Variants in PDSS2 observed in about 807,000 individuals in gnomAD.
The protein encoded by PDSS2 is decaprenyl diphosphate synthase subunit 2, also known as all trans-polyprenyl-diphosphate synthase PDSS2.
In PDSS2, 31 loss-of-function variants were observed where a neutral mutation model predicts 44.5. The observed-to-expected ratio is 0.70, with a 90% CI of 0.52 to 0.94. The LOEUF (loss-of-function observed/expected upper bound fraction) is 0.94, where lower values mean the gene tolerates loss of function less well. Among genes scored for constraint, PDSS2 ranks in the 40% least tolerant of loss-of-function variants. The pLI is 0.00. For synonymous variants in PDSS2, 157 were observed against 180.3 expected (o/e 0.87, Z 1.03); for missense variants, 452 against 482.2 (o/e 0.94, Z 0.59).
chr6:107,202,200 G>A (rs1245440825), intron 6 of PDSS2, among the ~76,000 whole-genome samples: 1 of 151,966 alleles, frequency 6.6e-6, no homozygotes, highest in Non-Finnish European at 1.5e-5. Context: ...CACCACACCT[G>A]GCTACTTTTA....
rs185231437 is a variant in PDSS2, at chr6:107,427,831, A to C, written c.296+31159T>G. Among the ~76,000 whole-genome samples, 35 of 152,366 alleles carry C rather than the reference A, an allele frequency of 2.3e-4. 1 individual carries two copies. In the East Asian group the frequency reaches 6.7e-3, roughly 29 times the overall value. On this transcript the variant is annotated intron_variant, in intron 1 of 7. Coordinates refer to ENST00000369037, the MANE Select transcript of PDSS2 (RefSeq NM_020381.4). The stretch of plus-strand genomic sequence containing the variant: ...ACTTTAAAAAAAATGGTTTGTAGAT[A>C]GCCTACGTCTACATTATTTCTACAA...
intron 6 of PDSS2, among the ~76,000 whole-genome samples, chr6:107,207,160 T>G (rs190998582): frequency 1.5e-4 from 23 of 152,146 alleles, no homozygotes; most frequent in Admixed American, 2.6e-4. Context: ...GCCCGACTAA[T>G]TTTTTGTATT....
intron 1 of PDSS2, among the ~76,000 whole-genome samples, chr6:107,358,205 C>T (rs1418743902): frequency 6.6e-6 from 1 of 152,064 alleles, no homozygotes; most frequent in Non-Finnish European, 1.5e-5. Context: ...TATAAGGAAA[C>T]AAATGAATTT....
At chr6:107,442,321 G>T (rs1321147541) in intron 1 of PDSS2, among the ~76,000 whole-genome samples, 1 of 152,178 alleles carries the variant, frequency 6.6e-6, no homozygotes, top group Non-Finnish European at 1.5e-5. Flanking sequence ...GGAGGCTGAG[G>T]CAGGAGAATC....
chr6:107,268,503 AATAAC>A (rs1775483899), intron 3 of PDSS2, among the ~76,000 whole-genome samples: 2 of 152,178 alleles, frequency 1.3e-5, no homozygotes, highest in African/African-American at 4.8e-5. Flanking sequence ...AAGAAATAAA[AATAAC>A]ATACATGTAC....
chr6:107,167,864 C>T (rs1388379050), intron 7 of PDSS2, among the ~76,000 whole-genome samples: 1 of 152,074 alleles, frequency 6.6e-6, no homozygotes, highest in East Asian at 1.9e-4. Context: ...AATTTCTGTT[C>T]TTTTATATTT....
intron 1 of PDSS2, among the ~76,000 whole-genome samples, chr6:107,445,238 C>G (rs1278828163): frequency 6.6e-6 from 1 of 151,384 alleles, no homozygotes; most frequent in East Asian, 1.9e-4. Context: ...GTTAGGGAAA[C>G]AGTAATAAAA....
At chr6:107,414,397 G>GT (rs1215064508) in intron 1 of PDSS2, among the ~76,000 whole-genome samples, 1 of 152,210 alleles carries the variant, frequency 6.6e-6, no homozygotes, top group African/African-American at 2.4e-5. Context: ...AGACTAGGAA[G>GT]TAACAGCTAG....
chr6:107,424,438 CT>C (rs1780925790), intron 1 of PDSS2, among the ~76,000 whole-genome samples: 1 of 152,136 alleles, frequency 6.6e-6, no homozygotes, highest in African/African-American at 2.4e-5. Context: ...CCTTATTGTG[CT>C]TTAATACACA....
At chr6:107,159,862 TTGAG>T (rs1301755319) in intron 7 of PDSS2, among the ~76,000 whole-genome samples, 3 of 152,176 alleles carry the variant, frequency 2.0e-5, no homozygotes, top group African/African-American at 4.8e-5. Flanking sequence ...TGAGTATTAA[TTGAG>T]TATTTACTAT....
intron 3 of PDSS2, chr6:107,264,399 G>T: frequency 6.5e-7 from 1 of 1,547,708 alleles, no homozygotes; most frequent in South Asian, 1.2e-5. Flanking sequence ...ATGCTTAATA[G>T]AACAACCTCC....
intron 3 of PDSS2, among the ~76,000 whole-genome samples, chr6:107,249,839 T>C (rs1774753546): frequency 6.6e-6 from 1 of 152,146 alleles, no homozygotes; most frequent in Admixed American, 6.6e-5. Context: ...ATCACTCCCA[T>C]TTCAATAACC....
intron 7 of PDSS2, among the ~76,000 whole-genome samples, chr6:107,190,737 G>A (rs1048581446): frequency 6.6e-6 from 1 of 152,170 alleles, no homozygotes; most frequent in Non-Finnish European, 1.5e-5. Flanking sequence ...ATGAGTGAAG[G>A]CGCAGAGAAC....
chr6:107,454,753 T>A (rs949909428), intron 1 of PDSS2, among the ~76,000 whole-genome samples: 13 of 151,816 alleles, frequency 8.6e-5, no homozygotes, highest in Non-Finnish European at 1.9e-4. Flanking sequence ...AGTAAATGGC[T>A]CCAGCCTGGG....
At chr6:107,441,264 A>G (rs1372127874) in intron 1 of PDSS2, among the ~76,000 whole-genome samples, 2 of 152,312 alleles carry the variant, frequency 1.3e-5, no homozygotes, top group Middle Eastern at 3.4e-3. Flanking sequence ...GCTTCTACCA[A>G]CATTTCTTTT....
At chr6:107,368,317 C>A (rs1344151154) in intron 1 of PDSS2, among the ~76,000 whole-genome samples, 1 of 148,920 alleles carries the variant, frequency 6.7e-6, no homozygotes, top group African/African-American at 2.5e-5. Flanking sequence ...AACAAATAAT[C>A]AAAAAATCAA....
chr6:107,231,870 G>C (rs1002053305), intron 4 of PDSS2, among the ~76,000 whole-genome samples: 2 of 151,770 alleles, frequency 1.3e-5, no homozygotes, highest in African/African-American at 4.8e-5. Flanking sequence ...GCTGAGGTAT[G>C]AGCATCGCTT....
At chr6:107,245,500 A>T (rs1774582751) in intron 4 of PDSS2, 48 bp downstream of exon 4, 1 of 972,088 alleles carries the variant, frequency 1.0e-6, no homozygotes, top group Non-Finnish European at 1.6e-6. Flanking sequence ...TTCTAGTTGT[A>T]CCACGACGGT....
chr6:107,224,274 G>A (rs372802210), intron 4 of PDSS2, among the ~76,000 whole-genome samples: 22 of 151,402 alleles, frequency 1.5e-4, no homozygotes, highest in South Asian at 1.2e-3. Context: ...TAATAAAACC[G>A]TAATTTTCTT....
Sources: allele counts gnomAD v4.1 joint callset (sites outside exome capture counted in the v4.1 genomes callset), GRCh38; gene constraint gnomAD v4.1.1; transcripts MANE v1.5; gene names NCBI Gene and HGNC (gene_info 2026-07-23, HGNC 2026-07-21).